Variants in MOB3B observed in about 807,000 individuals in gnomAD.
MOB3B encodes MOB kinase activator 3B.
In MOB3B, 7 loss-of-function variants were observed where a neutral mutation model predicts 18.7. The ratio of observed to expected loss-of-function variants is 0.37; its 90% CI spans 0.21 to 0.70. MOB3B has a LOEUF of 0.70. Ranked by LOEUF, MOB3B falls within the 30% of genes least tolerant of loss-of-function variation. The probability of loss-of-function intolerance (pLI) is 0.52; values close to 1 mark genes in which losing one functional copy is unlikely to be tolerated. For missense variants in MOB3B, 253 were observed against 281.3 expected, an observed-to-expected ratio of 0.90 and a Z score of 0.72; for synonymous variants, 111 against 99.9, an observed-to-expected ratio of 1.11 and a Z score of -0.66.
chr9:27,471,876 G>C (rs981309363), intron 1 of MOB3B, among the ~76,000 whole-genome samples: 1 of 152,306 alleles, frequency 6.6e-6, no homozygotes. Flanking sequence ...ATACCTTGCA[G>C]GATTGTGGTG....
At chr9:27,506,135 T>C (rs1020200758) in intron 1 of MOB3B, among the ~76,000 whole-genome samples, 1 of 152,204 alleles carries the variant, frequency 6.6e-6, no homozygotes, top group Non-Finnish European at 1.5e-5. Flanking sequence ...AGTGGGATGG[T>C]TGACTCACAA....
At chr9:27,331,525 G>A (rs1182567080) in intron 3 of MOB3B, among the ~76,000 whole-genome samples, 2 of 152,162 alleles carry the variant, frequency 1.3e-5, no homozygotes, top group African/African-American at 4.8e-5. Flanking sequence ...TGCTAGACTG[G>A]GCGCTACTAA....
intron 1 of MOB3B, among the ~76,000 whole-genome samples, chr9:27,458,519 T>A (rs1179319723): frequency 1.4e-5 from 1 of 71,164 alleles, no homozygotes. Context: ...GAAGATATGT[T>A]TTTTTTTTTT....
At chr9:27,405,694 A>G (rs2131396879) in intron 2 of MOB3B, among the ~76,000 whole-genome samples, 1 of 152,348 alleles carries the variant, frequency 6.6e-6, no homozygotes, top group East Asian at 1.9e-4. Flanking sequence ...ATAGGCCAAC[A>G]TCTTTGATGA....
chr9:27,527,306 G>A (rs1329552960), intron 1 of MOB3B, among the ~76,000 whole-genome samples: 1 of 152,148 alleles, frequency 6.6e-6, no homozygotes, highest in African/African-American at 2.4e-5. Flanking sequence ...ATCCTTCCTT[G>A]GGGATCATTT....
intron 2 of MOB3B, among the ~76,000 whole-genome samples, chr9:27,381,737 C>T (rs1821580357): frequency 6.6e-6 from 1 of 152,148 alleles, no homozygotes; most frequent in Non-Finnish European, 1.5e-5. Flanking sequence ...TCCTCAACCT[C>T]CTGGGCTTAA....
chr9:27,341,596 G>C (rs557839254), intron 3 of MOB3B, among the ~76,000 whole-genome samples: 1 of 152,274 alleles, frequency 6.6e-6, no homozygotes, highest in African/African-American at 2.4e-5. Context: ...TCTCTTGCTA[G>C]AAGTTTGACT....
chr9:27,341,574 A>G (rs978455865), intron 3 of MOB3B, among the ~76,000 whole-genome samples: 2 of 152,214 alleles, frequency 1.3e-5, no homozygotes, highest in Admixed American at 1.3e-4. Flanking sequence ...TTTTCCTTTT[A>G]ATACAATGAG....
chr9:27,504,719 A>T (rs1466222492), intron 1 of MOB3B, among the ~76,000 whole-genome samples: 1 of 152,198 alleles, frequency 6.6e-6, no homozygotes, highest in Non-Finnish European at 1.5e-5. Context: ...GAAAAGTGGG[A>T]CCAATATCAA....
Position 27,455,271 on chromosome 9 carries a change from G to A in MOB3B, c.280C>T (p.Pro94Ser), listed in dbSNP as rs1822852697. Residue 94 changes from proline (P) to serine (S), a missense_variant, in exon 2 of 4, where the codon CCC becomes TCC. Transcript: ENST00000262244. ...TCCTGCCACCGATACTCATATTTGG[G>A]GCCCCCTGACATCACAGGACAGGTC... is the stretch of plus-strand genomic sequence containing the variant. Reference protein sequence around the residue: ...ERTCPVMSGGPKYEYRWQDDL... With the variant: ...ERTCPVMSGGSKYEYRWQDDL... 1 of 1,613,840 alleles carries A rather than the reference G, an allele frequency of 6.2e-7. No homozygotes were observed. Among genetic ancestry groups the A allele is most frequent in the South Asian group, 1.1e-5 (1 of 91,060 alleles).
At chr9:27,405,268 C>T (rs947302314) in intron 2 of MOB3B, among the ~76,000 whole-genome samples, 13 of 151,680 alleles carry the variant, frequency 8.6e-5, no homozygotes, top group African/African-American at 2.4e-4. Flanking sequence ...CCACCATGCC[C>T]GGTTAGTTTT....
intron 2 of MOB3B, among the ~76,000 whole-genome samples, chr9:27,425,094 ATC>A (rs921612823): frequency 6.6e-6 from 1 of 152,162 alleles, no homozygotes; most frequent in Non-Finnish European, 1.5e-5. Flanking sequence ...AACTGGGGGC[ATC>A]CAGGCGCGGT....
intron 1 of MOB3B, among the ~76,000 whole-genome samples, chr9:27,481,678 A>G (rs1300214557): frequency 6.6e-6 from 1 of 151,866 alleles, no homozygotes; most frequent in Non-Finnish European, 1.5e-5. Flanking sequence ...GGCGCCCGCC[A>G]CCATGCCCAG....
chr9:27,419,728 T>A (rs538052379), intron 2 of MOB3B, among the ~76,000 whole-genome samples: 1 of 152,316 alleles, frequency 6.6e-6, no homozygotes, highest in South Asian at 2.1e-4. Flanking sequence ...GAAAAAGCCT[T>A]CTAGCCATTG....
At chr9:27,493,653 T>A (rs532815335) in intron 1 of MOB3B, among the ~76,000 whole-genome samples, 12 of 151,678 alleles carry the variant, frequency 7.9e-5, no homozygotes, top group Middle Eastern at 6.8e-3. Context: ...AAAAAAAAAA[T>A]TTCATGGACA....
At chr9:27,477,275 G>T (rs1173864614) in intron 1 of MOB3B, among the ~76,000 whole-genome samples, 1 of 152,140 alleles carries the variant, frequency 6.6e-6, no homozygotes, top group Non-Finnish European at 1.5e-5. Flanking sequence ...GCTTCTTGGA[G>T]AAAACGGACT....
chr9:27,431,574 A>G (rs1216617801), intron 2 of MOB3B, among the ~76,000 whole-genome samples: 1 of 152,176 alleles, frequency 6.6e-6, no homozygotes, highest in Non-Finnish European at 1.5e-5. Context: ...CAGTGATGTA[A>G]ATATTCCTTG....
chr9:27,375,980 T>C (rs1274918428), intron 2 of MOB3B, among the ~76,000 whole-genome samples: 1 of 152,222 alleles, frequency 6.6e-6, no homozygotes, highest in Admixed American at 6.5e-5. Context: ...AATTAGAAAA[T>C]GTTATCATTA....
intron 2 of MOB3B, among the ~76,000 whole-genome samples, chr9:27,374,206 T>G (rs1821460448): frequency 7.6e-6 from 1 of 130,894 alleles, no homozygotes; most frequent in African/African-American, 3.0e-5. Context: ...TCCATTAATC[T>G]GTCTGAAGTA....
Sources: gnomAD v4.1 joint callset for allele counts (sites outside exome capture counted in the v4.1 genomes callset) on GRCh38, gnomAD v4.1.1 for gene constraint, MANE v1.5 for transcripts, NCBI Gene and HGNC (gene_info 2026-07-23, HGNC 2026-07-21) for gene names.